The following DNAH17 variants were observed in gnomAD, a reference collection of about 807,000 sequenced individuals.
The protein encoded by DNAH17 is dynein axonemal heavy chain 17, also known as axonemal beta dynein heavy chain 17.
In DNAH17, 376 loss-of-function variants were observed where a neutral mutation model predicts 485.6. The observed-to-expected ratio is 0.77, with a 90% CI of 0.71 to 0.84. The LOEUF (loss-of-function observed/expected upper bound fraction) is 0.84. Ranked by LOEUF, DNAH17 falls within the 40% of genes least tolerant of loss-of-function variation. The probability of loss-of-function intolerance (pLI) is 0.00; values close to 1 mark genes in which losing one functional copy is unlikely to be tolerated. For missense variants in DNAH17, 6,370 were observed against 5,839.3 expected, an observed-to-expected ratio of 1.09 and a Z score of -2.96; for synonymous variants, 3,031 against 2,405.9, an observed-to-expected ratio of 1.26 and a Z score of -7.60.
At chr17:78,477,660 A>G (rs2089096006) in intron 51 of DNAH17, among the ~76,000 whole-genome samples, 1 of 152,180 alleles carries the variant, frequency 6.6e-6, no homozygotes, top group Non-Finnish European at 1.5e-5. Context: ...TACAGGCATG[A>G]ACCACTGCAC....
At chr17:78,494,222 T>C in intron 40 of DNAH17, 49 bp from the exon 41 acceptor site, 1 of 1,576,984 alleles carries the variant, frequency 6.3e-7, no homozygotes, top group South Asian at 1.1e-5. Context: ...CAGCTTTTCT[T>C]TCTTCTCGCT....
chr17:78,481,706 G>A (rs1019185106), intron 48 of DNAH17, among the ~76,000 whole-genome samples: 30 of 152,122 alleles, frequency 2.0e-4, no homozygotes, highest in African/African-American at 7.2e-4. Flanking sequence ...AATTATTAAT[G>A]GCTGCTATTA....
intron 19 of DNAH17, among the ~76,000 whole-genome samples, chr17:78,534,028 G>A (rs2091308851): frequency 6.6e-6 from 1 of 152,224 alleles, no homozygotes; most frequent in Non-Finnish European, 1.5e-5. Context: ...AAACCTTATG[G>A]GCCAGGAAGA....
At chr17:78,446,157 G>A (rs545627340) in intron 69 of DNAH17, among the ~76,000 whole-genome samples, 1 of 107,526 alleles carries the variant, frequency 9.3e-6, no homozygotes, top group Non-Finnish European at 1.7e-5. Flanking sequence ...CTGGGCAACA[G>A]AGTGAGACTC....
Position 78,486,405 on chromosome 17 carries a change from C to G in DNAH17, c.6920G>C (p.Arg2307Pro). The part of the protein sequence containing the change: ...KYLPTCLDKL[R>P]FGFKKITPVP... The stretch of plus-strand genomic sequence containing the variant: ...TGGCGTGATCTTCTTGAACCCAAAG[C>G]GCAACTTGTCCAGGCACGTGGGCAG... Residue 2307 changes from arginine to proline, a missense_variant, in exon 45 of 81, where the codon CGC (arginine) becomes CCC (proline). Physicochemically the swap from Arg to Pro is moderately radical, Grantham distance 103 (BLOSUM62 -2). Transcript: ENST00000389840. 6.2e-7 allele frequency: 1 copy of G among 1,613,840 alleles called. No homozygotes were observed. Among genetic ancestry groups the G allele is most frequent in the Non-Finnish European group, 8.5e-7 (1 of 1,179,882 alleles).
chr17:78,558,204 T>C lies in DNAH17; in HGVS notation c.2082A>G (p.Lys694=), dbSNP rs2092070174. 1 of 1,613,888 alleles carries C rather than the reference T, an allele frequency of 6.2e-7. No homozygotes were observed. Among genetic ancestry groups the C allele is most frequent in the Non-Finnish European group, 8.5e-7 (1 of 1,179,836 alleles). The part of the protein sequence containing the change: ...EVKYLNFQQQ[K]EIPDSAESLF... ...GACTCTCCGCACTGTCTGGAATCTC[T>C]TTCTGTTGCTGGAAATTCAAATACT... Residue 694 remains lysine, a synonymous_variant, in exon 14 of 81, where the codon AAA becomes AAG. Coordinates refer to ENST00000389840, the MANE Select transcript of DNAH17 (RefSeq NM_173628.4).
rs778075454 is a variant in DNAH17 at position 78,444,641 on chromosome 17, G to A, written c.11491C>T (p.Arg3831Cys). 3.8e-5 allele frequency: 61 copies of A among 1,598,228 alleles called. No homozygotes were observed. The highest frequency in any genetic ancestry group is 4.7e-5 in the Non-Finnish European group (55 of 1,173,286). Residue 3831 changes from arginine (R) to cysteine (C), a missense_variant, in exon 71 of 81, where the codon CGC (arginine) becomes TGC (cysteine). Transcript: ENST00000389840. The part of the protein sequence containing the change: ...KTALQKLCMV[R>C]CLRPDRMTYA... ...GTCATGCGATCTGGCCGCAGGCAGCGCACCATGCACAGCTTCTGCAGGGCC... is the reference window on the plus strand; with the variant it reads ...GTCATGCGATCTGGCCGCAGGCAGCACACCATGCACAGCTTCTGCAGGGCC...
intron 16 of DNAH17, among the ~76,000 whole-genome samples, chr17:78,544,800 CA>C (rs55669221): frequency 0.042 from 1,970 of 46,618 alleles, 22 homozygotes; most frequent in African/African-American, 0.18. Flanking sequence ...GACTCAGTCT[CA>C]AAAAAAAAAA....
chr17:78,473,145 A>G (rs1339858593), intron 54 of DNAH17, among the ~76,000 whole-genome samples: 2 of 152,196 alleles, frequency 1.3e-5, no homozygotes, highest in Non-Finnish European at 2.9e-5. Context: ...TTAGAACGAT[A>G]ATCATGTCGA....
chr17:78,549,841 C>A (rs1489599353), intron 16 of DNAH17, among the ~76,000 whole-genome samples: 3 of 152,188 alleles, frequency 2.0e-5, no homozygotes, highest in Non-Finnish European at 4.4e-5. Flanking sequence ...CCCTCTGAGA[C>A]CCTGCACCTG....
At chr17:78,491,635 C>A in intron 42 of DNAH17, 65 bp from the exon 43 acceptor site, 1 of 1,556,898 alleles carries the variant, frequency 6.4e-7, no homozygotes, top group Non-Finnish European at 8.7e-7. Context: ...CCCCACCAGT[C>A]CTGACCCTGG....
At position 78,458,653 on chromosome 17, in the gene DNAH17, T is replaced by G; in HGVS notation, c.9889A>C (p.Thr3297Pro). ...GCTGTTGCTTTTTCAAACGCTGAGG[T>G]TAGGTTGCTCAGGTTGGCGTTAAGT... ...AELNANLSNLTSAFEKATAEK... is the reference protein window; with the variant it reads ...AELNANLSNLPSAFEKATAEK... The change falls in exon 62 of 81, where the codon ACC (threonine) becomes CCC (proline). Residue 3297 changes from threonine (T) to proline (P), a missense_variant. Coordinates refer to ENST00000389840, the MANE Select transcript of DNAH17 (RefSeq NM_173628.4). 6.2e-7 allele frequency: 1 copy of G among 1,614,030 alleles called. No individual in the cohort carries two copies.
chr17:78,534,011 A>G (rs1217058474), intron 19 of DNAH17, among the ~76,000 whole-genome samples: 2 of 152,222 alleles, frequency 1.3e-5, no homozygotes, highest in African/African-American at 4.8e-5. Context: ...AAAAAAATAA[A>G]ATAAAAAAAC....
In DNAH17 at chr17:78,450,404, A is replaced by G. The variant is rs547205437; in HGVS notation, c.10900-10T>C. 14 of 1,613,444 alleles carry G rather than the reference A, an allele frequency of 8.7e-6. No individual in the cohort carries two copies. Among genetic ancestry groups the G allele is most frequent in the African/African-American group, 1.3e-5 (1 of 74,910 alleles). The stretch of plus-strand genomic sequence containing the variant: ...TTTTTGCCTCCACCACCTCGACACA[A>G]ACAAAAGGGGTGTGAATGACACAGC... On this transcript the variant is annotated splice_polypyrimidine_tract_variant and intron_variant, in intron 67 of 80. Transcript: ENST00000389840.
chr17:78,529,780 C>T, intron 21 of DNAH17, 86 bp from the exon 22 acceptor site: 2 of 1,397,004 alleles, frequency 1.4e-6, no homozygotes, highest in Non-Finnish European at 2.0e-6. Flanking sequence ...AGGGGGACGA[C>T]CGCGGTGAGG....
chr17:78,475,100 C>A (rs910875880), intron 54 of DNAH17, among the ~76,000 whole-genome samples, 178 bp downstream of exon 54: 1 of 152,034 alleles, frequency 6.6e-6, no homozygotes, highest in Non-Finnish European at 1.5e-5. Context: ...CGGGCACGCA[C>A]GCTGGCTGGA....
intron 26 of DNAH17, among the ~76,000 whole-genome samples, chr17:78,513,923 T>G (rs1460947298): frequency 1.3e-5 from 2 of 152,222 alleles, no homozygotes; most frequent in Non-Finnish European, 2.9e-5. Context: ...AGGTGGGGCC[T>G]CTGCAGAGTA....
intron 80 of DNAH17, 23 bp from the exon 81 acceptor site, chr17:78,424,176 G>T: frequency 6.3e-7 from 1 of 1,591,702 alleles, no homozygotes; most frequent in South Asian, 1.1e-5. Context: ...TATGGCTGAG[G>T]GTCAGGTGTG....
chr17:78,437,797 A>G lies in DNAH17; in HGVS notation c.11877T>C (p.His3959=), dbSNP rs1460823264. ...CGCTGATGAACACCCGGTAGTCCTC[A>G]TGGCTGCCCGTGCTGTAGTGCTCCA... The part of the protein sequence containing the change: ...KKLEHYSTGS[H]EDYRVFISAE... Residue 3959 remains histidine (H), a synonymous_variant, in exon 74 of 81, where the codon CAT becomes CAC. Coordinates refer to ENST00000389840, the MANE Select transcript of DNAH17 (RefSeq NM_173628.4). 6.2e-7 allele frequency: 1 copy of G among 1,612,508 alleles called. No homozygotes were observed. The highest frequency in any genetic ancestry group is 2.2e-5 in the East Asian group (1 of 44,882).
Sources: allele counts gnomAD v4.1 joint callset (sites outside exome capture counted in the v4.1 genomes callset), GRCh38; gene constraint gnomAD v4.1.1; transcripts MANE v1.5; gene names NCBI Gene and HGNC (gene_info 2026-07-23, HGNC 2026-07-21).